Variants in DSCAM observed in about 807,000 individuals in gnomAD.
DSCAM encodes DS cell adhesion molecule, also known as cell adhesion molecule DSCAM.
Under a neutral mutation model 217.7 loss-of-function variants are expected in DSCAM, and 47 were observed. That is an observed-to-expected ratio of 0.22 (90% confidence interval 0.17 to 0.28). The LOEUF is 0.28. DSCAM is among the 10% of genes least tolerant of loss of function. The pLI is 1.00. For missense variants in DSCAM, 2,080 were observed against 2,618.3 expected (o/e 0.79, Z 4.49); for synonymous variants, 1,056 against 1,015.3 (o/e 1.04, Z -0.76).
intron 16 of DSCAM, among the ~76,000 whole-genome samples, chr21:40,166,073 G>T (rs148682638): frequency 6.1e-4 from 93 of 152,224 alleles, no homozygotes; most frequent in Middle Eastern, 3.4e-3. Flanking sequence ...ATTAACGCCC[G>T]TAATACCAAA....
In DSCAM at chr21:40,030,045, C is replaced by T. The variant is rs577856687; in HGVS notation, c.5686+12326G>A. Among the ~76,000 whole-genome samples the T allele has an allele frequency of 4.0e-4, 61 of 152,342 alleles. 1 individual carries two copies. Among genetic ancestry groups the T allele is most frequent in the African/African-American group, 1.2e-3 (49 of 41,600 alleles). On this transcript the variant is annotated intron_variant, in intron 32 of 32. Coordinates refer to ENST00000400454, the MANE Select transcript of DSCAM (RefSeq NM_001389.5). ...ACATACACATTCACACACAAGTACA[C>T]ATGCATGGACACATATATGTTGACA...
chr21:40,149,834 A>G (rs570032084), intron 16 of DSCAM, among the ~76,000 whole-genome samples: 10 of 150,526 alleles, frequency 6.6e-5, no homozygotes, highest in Admixed American at 1.3e-4. Context: ...CACCAACACC[A>G]CTGTCACCAC....
chr21:40,390,151 T>C (rs2075121109), intron 3 of DSCAM, among the ~76,000 whole-genome samples: 1 of 152,228 alleles, frequency 6.6e-6, no homozygotes, highest in Admixed American at 6.5e-5. Flanking sequence ...CCTTTGACTA[T>C]GCTTGCCCAG....
chr21:40,137,264 G>GC (rs1309899189), intron 18 of DSCAM, among the ~76,000 whole-genome samples: 1 of 44,460 alleles, frequency 2.2e-5, no homozygotes, highest in Non-Finnish European at 5.7e-5. Context: ...ATTAACATTG[G>GC]GGGGGGGGTT....
intron 10 of DSCAM, among the ~76,000 whole-genome samples, chr21:40,289,868 C>T (rs113942428): frequency 2.6e-4 from 40 of 152,138 alleles, no homozygotes; most frequent in Non-Finnish European, 3.8e-4. Context: ...CCAGGTATTA[C>T]GACTTAGATG....
At chr21:40,575,209 G>A (rs938342494) in intron 3 of DSCAM, among the ~76,000 whole-genome samples, 2 of 112,186 alleles carry the variant, frequency 1.8e-5, no homozygotes. Context: ...AGCACCCTGT[G>A]ACCCCCACTC....
At chr21:40,538,880 T>A (rs1444345463) in intron 3 of DSCAM, among the ~76,000 whole-genome samples, 1 of 152,198 alleles carries the variant, frequency 6.6e-6, no homozygotes, top group Admixed American at 6.5e-5. Flanking sequence ...GGGCAATACC[T>A]AGTTCTCTGG....
Position 40,179,101 on chromosome 21 carries a change from G to C in DSCAM, c.2780-7C>G, listed in dbSNP as rs1008002216. The C allele has an allele frequency of 1.9e-6, 3 of 1,567,860 alleles. No homozygotes were observed. The highest frequency in any genetic ancestry group is 2.6e-6 in the Non-Finnish European group (3 of 1,153,438). On this transcript the variant is annotated splice_region_variant and splice_polypyrimidine_tract_variant and intron_variant, in intron 14 of 32. Transcript: ENST00000400454. Reference sequence around the variant, plus strand: ...TGAGCAGAATCCCAGGAGTCTTTTGGGTTTTGTTTTTCAAAAAAGAAGAGA... The same window carrying C: ...TGAGCAGAATCCCAGGAGTCTTTTGCGTTTTGTTTTTCAAAAAAGAAGAGA...
At chr21:40,607,400 A>ATTT (rs58893055) in intron 3 of DSCAM, among the ~76,000 whole-genome samples, 155 of 121,148 alleles carry the variant, frequency 1.3e-3, no homozygotes, top group African/African-American at 4.1e-3. Context: ...TTTAATTCTG[A>ATTT]TTTTTTTTTT....
At chr21:40,677,247 A>C (rs1453409529) in intron 3 of DSCAM, among the ~76,000 whole-genome samples, 1 of 152,172 alleles carries the variant, frequency 6.6e-6, no homozygotes, top group Non-Finnish European at 1.5e-5. Context: ...GAAGCAGAGG[A>C]AACCAGGACA....
intron 3 of DSCAM, among the ~76,000 whole-genome samples, chr21:40,392,306 C>G (rs1344839664): frequency 6.6e-6 from 1 of 152,030 alleles, no homozygotes; most frequent in South Asian, 2.1e-4. Context: ...TAAAGATAAA[C>G]AGTGTTTGAT....
rs1454576324 is a variant in DSCAM at position 40,302,683 on chromosome 21, A to T, written c.2063-6509T>A. Reference sequence around the variant, plus strand: ...CCAGCACTCCTGTCTCCCCAAAAAGAACAATTTGATATATATTCCAAAATA... The same window carrying T: ...CCAGCACTCCTGTCTCCCCAAAAAGTACAATTTGATATATATTCCAAAATA... On this transcript the variant is annotated intron_variant, in intron 9 of 32. Transcript: ENST00000400454. 2.0e-5 allele frequency among the ~76,000 whole-genome samples: 3 copies of T among 152,114 alleles called. No homozygotes were observed. The East Asian group carries it at 5.8e-4, about 29-fold the overall frequency.
At chr21:40,480,428 A>C (rs2075972579) in intron 3 of DSCAM, among the ~76,000 whole-genome samples, 1 of 152,244 alleles carries the variant, frequency 6.6e-6, no homozygotes, top group Non-Finnish European at 1.5e-5. Flanking sequence ...AGACTGAGAC[A>C]GTCTTGTTCA....
At chr21:40,183,930 T>A (rs1198772762) in intron 14 of DSCAM, among the ~76,000 whole-genome samples, 1 of 152,080 alleles carries the variant, frequency 6.6e-6, no homozygotes, top group African/African-American at 2.4e-5. Flanking sequence ...TTATTATGAG[T>A]CTCGTATACA....
At chr21:40,017,814 A>G (rs1426335267) in intron 32 of DSCAM, among the ~76,000 whole-genome samples, 1 of 152,194 alleles carries the variant, frequency 6.6e-6, no homozygotes, top group Non-Finnish European at 1.5e-5. Flanking sequence ...AGCCTCCCAA[A>G]GTGTTGGGAT....
At chr21:40,075,342 A>G (rs1190605267) in intron 26 of DSCAM, 129 bp from the exon 27 acceptor site, 4 of 994,456 alleles carry the variant, frequency 4.0e-6, no homozygotes, top group African/African-American at 1.6e-5. Context: ...AATGAAAAGA[A>G]CTCTGTCTCT....
chr21:40,343,766 C>A (rs1601569032), intron 6 of DSCAM, among the ~76,000 whole-genome samples: 2 of 151,946 alleles, frequency 1.3e-5, no homozygotes, highest in East Asian at 3.9e-4. Context: ...ACAAATAATT[C>A]TGCCCTTTGT....
At chr21:40,094,787 C>T (rs1329816414) in intron 20 of DSCAM, among the ~76,000 whole-genome samples, 1 of 152,114 alleles carries the variant, frequency 6.6e-6, no homozygotes, top group African/African-American at 2.4e-5. Context: ...ACAAATTATT[C>T]CTAAATAACT....
At chr21:40,685,428 C>T (rs1163960717) in intron 3 of DSCAM, among the ~76,000 whole-genome samples, 1 of 152,158 alleles carries the variant, frequency 6.6e-6, no homozygotes, top group African/African-American at 2.4e-5. Context: ...AACTTTGGCA[C>T]ATACCAAACA....
Sources: gnomAD v4.1 joint callset for allele counts (sites outside exome capture counted in the v4.1 genomes callset) on GRCh38, gnomAD v4.1.1 for gene constraint, MANE v1.5 for transcripts, NCBI Gene and HGNC (gene_info 2026-07-23, HGNC 2026-07-21) for gene names.